CDHR3: variants seen among roughly 807,000 people sequenced by gnomAD.
CDHR3 encodes cadherin-related family member 3.
In CDHR3, 79 loss-of-function variants were observed where a neutral mutation model predicts 86.6. That is an observed-to-expected ratio of 0.91 (90% confidence interval 0.76 to 1.10). The LOEUF (loss-of-function observed/expected upper bound fraction) is 1.10. Among genes scored for constraint, CDHR3 ranks in the 50% least tolerant of loss-of-function variants. The probability of loss-of-function intolerance (pLI) is 0.00; values close to 1 mark genes in which losing one functional copy is unlikely to be tolerated. For synonymous variants in CDHR3, 421 were observed against 402.4 expected (o/e 1.05, Z -0.55); for missense variants, 1,081 against 1,077.6 (o/e 1.00, Z -0.04).
In CDHR3 at chr7:106,001,571, A is replaced by C; in HGVS notation, c.823A>C (p.Ser275Arg). The C allele has an allele frequency of 3.1e-6, 5 of 1,614,038 alleles. No individual in the cohort carries two copies. Among genetic ancestry groups the C allele is most frequent in the Non-Finnish European group, 4.2e-6 (5 of 1,179,902 alleles). Residue 275 changes from serine (S) to arginine (R), a missense_variant, in exon 7 of 19, where the codon AGC becomes CGC. Transcript: ENST00000317716. ...AGGTTTTCCCAGCCACCTCCTCTACAGCATTACCACTGTTAGCAAATATTT... is the reference window on the plus strand; with the variant it reads ...AGGTTTTCCCAGCCACCTCCTCTACCGCATTACCACTGTTAGCAAATATTT... ...DEGFPSHLLY[S>R]ITTVSKYFMI...
chr7:106,008,007 C>T (rs532795421), intron 8 of CDHR3, among the ~76,000 whole-genome samples: 13 of 152,248 alleles, frequency 8.5e-5, no homozygotes, highest in African/African-American at 2.2e-4. Flanking sequence ...TCATGTCTTA[C>T]GTGGATGGCA....
At position 106,028,599 on chromosome 7, in the gene CDHR3, T is replaced by A. The variant is rs1294939267; in HGVS notation, c.2304+17T>A. 1.5e-5 allele frequency: 24 copies of A among 1,613,602 alleles called. No individual in the cohort carries two copies. Among genetic ancestry groups the A allele is most frequent in the Non-Finnish European group, 2.0e-5 (24 of 1,179,798 alleles). On this transcript the variant is annotated intron_variant, in intron 17 of 18. Transcript: ENST00000317716. ...GTCGTGGTGGTGAGTATGGGCAGTG[T>A]GGGGCACCAGGCATAGACGCTGGGG...
intron 7 of CDHR3, among the ~76,000 whole-genome samples, chr7:106,001,819 C>T (rs1316353975): frequency 1.3e-5 from 2 of 152,116 alleles, no homozygotes; most frequent in African/African-American, 2.4e-5. Context: ...TATATTATCT[C>T]TAGATTCCTT....
At chr7:106,011,242 C>T (rs928211681) in intron 8 of CDHR3, among the ~76,000 whole-genome samples, 18 of 152,166 alleles carry the variant, frequency 1.2e-4, no homozygotes. Context: ...TGTGATTTTG[C>T]TATTAGCTCC....
intron 18 of CDHR3, among the ~76,000 whole-genome samples, 197 bp from the exon 19 acceptor site, chr7:106,032,196 C>G (rs990147787): frequency 2.0e-5 from 3 of 152,318 alleles, no homozygotes; most frequent in Middle Eastern, 3.4e-3. Context: ...GTGGTCCGAG[C>G]AGCACGGCTT....
chr7:105,998,503 C>G (rs555517313), intron 6 of CDHR3, among the ~76,000 whole-genome samples: 2 of 152,306 alleles, frequency 1.3e-5, no homozygotes, highest in South Asian at 4.1e-4. Context: ...TATAAAAGCA[C>G]CTGACACACC....
Position 106,012,935 on chromosome 7 carries a change from T to A in CDHR3, c.1128T>A (p.Ser376Arg). 1 of 1,613,740 alleles carries A rather than the reference T, an allele frequency of 6.2e-7. No individual in the cohort carries two copies. The highest frequency in any genetic ancestry group is 1.1e-5 in the South Asian group (1 of 91,034). ...ACAAGTTCTGCTTTGATGATGACAGTGAGGCACCAAACAACAGATTCAACT... is the reference window on the plus strand; with the variant it reads ...ACAAGTTCTGCTTTGATGATGACAGAGAGGCACCAAACAACAGATTCAACT... Reference protein sequence around the residue: ...DLNKFCFDDDSEAPNNRFNFT... With the variant: ...DLNKFCFDDDREAPNNRFNFT... The change falls in exon 9 of 19, where the codon AGT (serine) becomes AGA (arginine). Residue 376 changes from serine to arginine, a missense_variant. Coordinates refer to ENST00000317716, the MANE Select transcript of CDHR3 (RefSeq NM_152750.5).
intron 2 of CDHR3, 133 bp downstream of exon 2, chr7:105,975,179 C>G: frequency 1.3e-6 from 1 of 776,964 alleles, no homozygotes; most frequent in Non-Finnish European, 2.2e-6. Flanking sequence ...TCCAGGAGTC[C>G]TGTCTGAGGC....
chr7:105,987,200 A>G (rs1393097225), intron 4 of CDHR3, among the ~76,000 whole-genome samples: 2 of 152,132 alleles, frequency 1.3e-5, no homozygotes, highest in African/African-American at 4.8e-5. Context: ...CCTTCAGAAA[A>G]AAAAATGTAG....
chr7:105,987,882 C>G (rs1376675956), intron 4 of CDHR3, among the ~76,000 whole-genome samples: 8 of 152,140 alleles, frequency 5.3e-5, no homozygotes, highest in Non-Finnish European at 1.0e-4. Context: ...GACGAAAAGG[C>G]TGGGAACACT....
At chr7:105,987,629 C>T (rs866890448) in intron 4 of CDHR3, among the ~76,000 whole-genome samples, 3 of 152,078 alleles carry the variant, frequency 2.0e-5, no homozygotes, top group Admixed American at 6.5e-5. Flanking sequence ...TTAAAGAACA[C>T]GGATGTCTGT....
chr7:106,014,052 C>T (rs1215774984), intron 9 of CDHR3, among the ~76,000 whole-genome samples: 1 of 152,138 alleles, frequency 6.6e-6, no homozygotes, highest in Non-Finnish European at 1.5e-5. Flanking sequence ...CCTTGAACTC[C>T]TAGGCCCAAG....
rs1836667804 is a variant in CDHR3, at chr7:106,022,189, CTCATTTAGGTAACGTCAACAA to C, written c.1826-2_1844del. The C allele has an allele frequency of 1.2e-6, 2 of 1,613,636 alleles. No homozygotes were observed. Among genetic ancestry groups the C allele is most frequent in the East Asian group, 4.5e-5 (2 of 44,884 alleles). On this transcript the variant is annotated splice_acceptor_variant and splice_polypyrimidine_tract_variant and coding_sequence_variant and intron_variant, in exon 14 of 19. Transcript: ENST00000317716. LOFTEE classifies it high-confidence loss of function. ...TTTTACCAACACCCCTGCATCAAAT[CTCATTTAGGTAACGTCAACAA>C]TCATTTCACCTTCTCTCCCAATGCT...
chr7:105,997,174 C>A (rs1045448799), intron 6 of CDHR3, among the ~76,000 whole-genome samples: 14 of 152,116 alleles, frequency 9.2e-5, no homozygotes, highest in African/African-American at 3.1e-4. Flanking sequence ...AATAAAAGAC[C>A]ATTAGGCCTC....
rs1371172494 is a variant in CDHR3, at chr7:105,994,860, G to A, written c.608+15G>A. The A allele has an allele frequency of 6.3e-7, 1 of 1,577,792 alleles. No individual in the cohort carries two copies. The highest frequency in any genetic ancestry group is 1.7e-5 in the Admixed American group (1 of 57,500). ...GGACACAGAAGGTAGTCTTGCTATT[G>A]ACCTTGCATGAAGTACTGTTTATCT... On this transcript the variant is annotated intron_variant, in intron 5 of 18. Coordinates refer to ENST00000317716, the MANE Select transcript of CDHR3 (RefSeq NM_152750.5).
chr7:105,972,560 G>T (rs183812362), intron 1 of CDHR3, among the ~76,000 whole-genome samples: 3 of 152,110 alleles, frequency 2.0e-5, no homozygotes, highest in African/African-American at 7.2e-5. Flanking sequence ...GTATGCATTT[G>T]CGAGAAAAGA....
chr7:105,976,072 G>A (rs1828768054), intron 2 of CDHR3, among the ~76,000 whole-genome samples: 1 of 152,124 alleles, frequency 6.6e-6, no homozygotes, highest in Non-Finnish European at 1.5e-5. Context: ...AGTCTACATT[G>A]CAGCATGCGG....
rs1585779230 is a variant in CDHR3, at chr7:106,015,351, G to A, written c.1327+138G>A. 8 of 649,566 alleles carry A rather than the reference G, an allele frequency of 1.2e-5. No individual in the cohort carries two copies. The East Asian group carries it at 2.2e-4, about 18-fold the overall frequency. The allele number at this position is 649,566 out of a possible 1,614,324, so 40.2% of individuals were successfully genotyped here. On this transcript the variant is annotated intron_variant, in intron 10 of 18. Coordinates refer to ENST00000317716, the MANE Select transcript of CDHR3 (RefSeq NM_152750.5). ...TCATGCGGGGACCCCCTCTTTCTCGGCTGAATTACAACACTTAAGAGTCTT... is the reference window on the plus strand; with the variant it reads ...TCATGCGGGGACCCCCTCTTTCTCGACTGAATTACAACACTTAAGAGTCTT...
At chr7:105,994,606 G>C (rs1022055746) in intron 4 of CDHR3, 145 bp from the exon 5 acceptor site, 8 of 659,706 alleles carry the variant, frequency 1.2e-5, no homozygotes, top group Non-Finnish European at 2.2e-5. Context: ...CGATTAAATT[G>C]GATAACTGCT....
Sources: gnomAD v4.1 joint callset for allele counts (sites outside exome capture counted in the v4.1 genomes callset) on GRCh38, gnomAD v4.1.1 for gene constraint, MANE v1.5 for transcripts, NCBI Gene and HGNC (gene_info 2026-07-23, HGNC 2026-07-21) for gene names.